The following CERS6 variants were observed in gnomAD, a reference collection of about 807,000 sequenced individuals.
CERS6 encodes the protein ceramide synthase 6.
CERS6 carries 26 observed loss-of-function variants against 56.8 expected under a neutral mutation model. The ratio of observed to expected loss-of-function variants is 0.46; its 90% CI spans 0.34 to 0.63. CERS6 has a LOEUF of 0.63. Among genes scored for constraint, CERS6 ranks in the 30% least tolerant of loss-of-function variants. The pLI is 0.01. For synonymous variants in CERS6, 164 were observed against 173.3 expected, an observed-to-expected ratio of 0.95 and a Z score of 0.42; for missense variants, 415 against 467.5, an observed-to-expected ratio of 0.89 and a Z score of 1.04.
At chr2:168,733,901 A>G (rs1270525302) in intron 8 of CERS6, among the ~76,000 whole-genome samples, 1 of 152,206 alleles carries the variant, frequency 6.6e-6, no homozygotes, top group Non-Finnish European at 1.5e-5. Context: ...GGGAAAAATC[A>G]GATTGCCAAT....
chr2:168,533,558 T>C lies in CERS6; in HGVS notation c.171-14038T>C, dbSNP rs1408677073. Among the ~76,000 whole-genome samples the C allele has an allele frequency of 4.6e-5, 7 of 152,326 alleles. 1 individual carries two copies. In the South Asian group the frequency reaches 1.2e-3, roughly 27 times the overall value. On this transcript the variant is annotated intron_variant, in intron 1 of 9. Coordinates refer to ENST00000305747, the MANE Select transcript of CERS6 (RefSeq NM_203463.3). ...GCTTCCAGCTTTTGCCCATTCGGTATGATGAGTTTCTGCTGAAAGATCTGC... is the reference window on the plus strand; with the variant it reads ...GCTTCCAGCTTTTGCCCATTCGGTACGATGAGTTTCTGCTGAAAGATCTGC...
chr2:168,744,302 G>C (rs999634923), intron 8 of CERS6, among the ~76,000 whole-genome samples: 2 of 152,012 alleles, frequency 1.3e-5, no homozygotes, highest in Admixed American at 6.6e-5. Context: ...CACCGTTCCC[G>C]GCCTGTTACT....
chr2:168,691,146 A>C, intron 5 of CERS6, 62 bp downstream of exon 5: 13 of 1,511,476 alleles, frequency 8.6e-6, no homozygotes, highest in South Asian at 1.1e-5. Flanking sequence ...GGTCAATTTC[A>C]TGGTCTCAGG....
intron 1 of CERS6, among the ~76,000 whole-genome samples, chr2:168,493,948 G>T (rs964669778): frequency 6.6e-6 from 1 of 151,964 alleles, no homozygotes; most frequent in Non-Finnish European, 1.5e-5. Context: ...AGCCAGACTG[G>T]TGTCAAGACT....
intron 8 of CERS6, among the ~76,000 whole-genome samples, chr2:168,730,210 G>GTTTAGTAAGT (rs1683484001): frequency 6.6e-6 from 1 of 152,186 alleles, no homozygotes; most frequent in African/African-American, 2.4e-5. Flanking sequence ...AAACAGTACT[G>GTTTAGTAAGT]CCTTTAGTAA....
At chr2:168,625,615 GAGA>G (rs1234184901) in intron 3 of CERS6, among the ~76,000 whole-genome samples, 3 of 152,136 alleles carry the variant, frequency 2.0e-5, no homozygotes, top group African/African-American at 7.2e-5. Context: ...TGTAATCAAA[GAGA>G]AGGAGAGGAG....
chr2:168,677,671 A>G (rs1157782061), intron 4 of CERS6, among the ~76,000 whole-genome samples: 1 of 151,788 alleles, frequency 6.6e-6, no homozygotes. Flanking sequence ...CTAATTTTCT[A>G]TTTTTAGTAG....
chr2:168,594,491 A>G (rs1183322910), intron 3 of CERS6, among the ~76,000 whole-genome samples: 1 of 152,200 alleles, frequency 6.6e-6, no homozygotes, highest in Non-Finnish European at 1.5e-5. Context: ...AGACTGAGGC[A>G]GGAGGATTGG....
intron 1 of CERS6, among the ~76,000 whole-genome samples, chr2:168,495,315 G>A (rs932808314): frequency 8.5e-5 from 13 of 152,180 alleles, no homozygotes; most frequent in African/African-American, 1.4e-4. Context: ...GCAACATTCA[G>A]TCAAAAGTAA....
chr2:168,529,635 T>C (rs1393865400), intron 1 of CERS6, among the ~76,000 whole-genome samples: 1 of 152,170 alleles, frequency 6.6e-6, no homozygotes, highest in African/African-American at 2.4e-5. Context: ...GAGGGCTCAG[T>C]CCTTGGAGCA....
chr2:168,711,652 T>G (rs1170242612), intron 6 of CERS6, among the ~76,000 whole-genome samples: 2 of 149,250 alleles, frequency 1.3e-5, no homozygotes, highest in Admixed American at 6.8e-5. Context: ...AAGAATGGCT[T>G]GAACCCAGGA....
intron 2 of CERS6, among the ~76,000 whole-genome samples, chr2:168,551,589 G>A (rs779380762): frequency 8.5e-5 from 13 of 152,160 alleles, no homozygotes; most frequent in Admixed American, 4.6e-4. Flanking sequence ...TCTCACAGGC[G>A]TTCATGAGGG....
At chr2:168,468,460 G>A (rs76896852) in intron 1 of CERS6, among the ~76,000 whole-genome samples, 8,379 of 152,280 alleles carry the variant, frequency 0.055, 337 homozygotes, top group East Asian at 0.18. Flanking sequence ...TGGTCTAGGG[G>A]CAAATTACTT....
intron 8 of CERS6, among the ~76,000 whole-genome samples, chr2:168,741,194 C>A (rs567400227): frequency 6.6e-6 from 1 of 152,000 alleles, no homozygotes; most frequent in Admixed American, 6.6e-5. Context: ...TACTGAGCTG[C>A]AAAATTGGGG....
At chr2:168,537,094 C>A (rs901315283) in intron 1 of CERS6, among the ~76,000 whole-genome samples, 2 of 151,910 alleles carry the variant, frequency 1.3e-5, no homozygotes, top group Non-Finnish European at 2.9e-5. Context: ...TATTACTCAA[C>A]AACAAAGGAA....
At chr2:168,561,786 A>G (rs548750197) in intron 3 of CERS6, among the ~76,000 whole-genome samples, 1 of 152,306 alleles carries the variant, frequency 6.6e-6, no homozygotes, top group South Asian at 2.1e-4. Flanking sequence ...GGTGAGTTTA[A>G]TGAAGCATTG....
At chr2:168,749,804 CA>C (rs1684208872) in intron 8 of CERS6, among the ~76,000 whole-genome samples, 1 of 152,184 alleles carries the variant, frequency 6.6e-6, no homozygotes, top group Non-Finnish European at 1.5e-5. Flanking sequence ...GAAAAAAATT[CA>C]AGGGCAAGCC....
intron 3 of CERS6, among the ~76,000 whole-genome samples, chr2:168,593,832 G>A (rs2105405118): frequency 6.6e-6 from 1 of 152,286 alleles, no homozygotes; most frequent in Non-Finnish European, 1.5e-5. Context: ...AGTGTTTCAT[G>A]GGAACCCTAA....
chr2:168,710,499 A>G (rs555731788), intron 6 of CERS6, among the ~76,000 whole-genome samples: 22 of 152,306 alleles, frequency 1.4e-4, no homozygotes, highest in Non-Finnish European at 3.1e-4. Context: ...TCATTTGATT[A>G]TGGTTAGGAA....
Sources: allele counts gnomAD v4.1 joint callset (sites outside exome capture counted in the v4.1 genomes callset), GRCh38; gene constraint gnomAD v4.1.1; transcripts MANE v1.5; gene names NCBI Gene and HGNC (gene_info 2026-07-23, HGNC 2026-07-21).